Variants in PTPRD observed in about 807,000 individuals in gnomAD.
The protein encoded by PTPRD is protein tyrosine phosphatase receptor type D.
Under a neutral mutation model 214.5 loss-of-function variants are expected in PTPRD, and 34 were observed. The observed-to-expected ratio is 0.16, with a 90% CI of 0.12 to 0.21. The LOEUF is 0.21. Among genes scored for constraint, PTPRD ranks in the 10% least tolerant of loss-of-function variants. The pLI is 1.00. For missense variants in PTPRD, 2,545 were observed against 2,398.7 expected (o/e 1.06, Z -1.27); for synonymous variants, 1,128 against 845.7 (o/e 1.33, Z -5.79).
At chr9:8,476,654 T>G (rs1326027688) in intron 30 of PTPRD, among the ~76,000 whole-genome samples, 1 of 152,204 alleles carries the variant, frequency 6.6e-6, no homozygotes, top group Non-Finnish European at 1.5e-5. Context: ...CTATACATTT[T>G]CTTATACAAC....
At chr9:9,457,553 A>G (rs2093183283) in intron 8 of PTPRD, among the ~76,000 whole-genome samples, 1 of 151,980 alleles carries the variant, frequency 6.6e-6, no homozygotes, top group African/African-American at 2.4e-5. Context: ...GATGTATTAT[A>G]CTTTATTCTG....
chr9:8,896,414 A>G (rs2098611467), intron 11 of PTPRD, among the ~76,000 whole-genome samples: 1 of 152,178 alleles, frequency 6.6e-6, no homozygotes, highest in Non-Finnish European at 1.5e-5. Flanking sequence ...ACTAATATAG[A>G]TGGCAGAAAT....
At chr9:10,593,397 G>C (rs1240030509) in intron 2 of PTPRD, among the ~76,000 whole-genome samples, 2 of 152,034 alleles carry the variant, frequency 1.3e-5, no homozygotes, top group African/African-American at 4.8e-5. Flanking sequence ...TATTGGAATG[G>C]ACATTACTAG....
Position 8,353,964 on chromosome 9 carries a change from G to GT in PTPRD, c.4662-11987dup, listed in dbSNP as rs35377231. Reference sequence around the variant, plus strand: ...TATATATATATATATATATATATATGTTTTTTTTTTTTTGAGAAGGAGTCT... The same window carrying GT: ...TATATATATATATATATATATATATGTTTTTTTTTTTTTTGAGAAGGAGTCT... On this transcript the variant is annotated intron_variant, in intron 39 of 45. Transcript: ENST00000381196. Among the ~76,000 whole-genome samples, 249 of 28,264 alleles carry GT rather than the reference G, an allele frequency of 8.8e-3. 14 individuals carry two copies. Among genetic ancestry groups the GT allele is most frequent in the African/African-American group, 0.018 (195 of 10,654 alleles). The allele number at this position is 28,264 out of a possible 152,430, so 18.5% of individuals were successfully genotyped here.
At chr9:9,808,935 T>G (rs1470803668) in intron 5 of PTPRD, among the ~76,000 whole-genome samples, 1 of 135,594 alleles carries the variant, frequency 7.4e-6, no homozygotes, top group East Asian at 2.3e-4. Context: ...AATGCCTGGC[T>G]AATTTTTATT....
intron 11 of PTPRD, among the ~76,000 whole-genome samples, chr9:9,005,547 G>C (rs980369283): frequency 4.0e-5 from 6 of 151,850 alleles, no homozygotes; most frequent in African/African-American, 9.7e-5. Flanking sequence ...ATTTAAAAAG[G>C]GGCCTGCAAT....
At chr9:9,702,435 A>C (rs2154415000) in intron 7 of PTPRD, among the ~76,000 whole-genome samples, 1 of 152,324 alleles carries the variant, frequency 6.6e-6, no homozygotes, top group East Asian at 1.9e-4. Flanking sequence ...TCTAAAGATG[A>C]CAAATAGACT....
At position 8,373,828 on chromosome 9, in the gene PTPRD, GTATGTA is replaced by G. The variant is rs1417804198; in HGVS notation, c.4661+2102_4661+2107del. Among the ~76,000 whole-genome samples, 283 of 116,206 alleles carry G rather than the reference GTATGTA, an allele frequency of 2.4e-3. 1 individual carries two copies. The highest frequency in any genetic ancestry group is 0.014 in the African/African-American group (264 of 18,484). 76.2% of individuals were successfully genotyped at this position (116,206 alleles called of 152,430 possible). On this transcript the variant is annotated intron_variant, in intron 39 of 45. Coordinates refer to ENST00000381196, the MANE Select transcript of PTPRD (RefSeq NM_002839.4). ...ATTATGTATGTATGTATGTATGTAT[GTATGTA>G]TGTATGTATGTATGTGTATGTGTCT...
At chr9:9,467,585 T>TCC (rs775863669) in intron 8 of PTPRD, among the ~76,000 whole-genome samples, 1 of 9,996 alleles carries the variant, frequency 1.0e-4, no homozygotes, top group Non-Finnish European at 1.9e-4. Flanking sequence ...GGACTCCATC[T>TCC]CCCAAAAAAA....
At chr9:8,756,960 G>A (rs1418912425) in intron 11 of PTPRD, among the ~76,000 whole-genome samples, 1 of 152,006 alleles carries the variant, frequency 6.6e-6, no homozygotes, top group Non-Finnish European at 1.5e-5. Context: ...GGCCAACGTG[G>A]TGAAACCCTG....
At chr9:9,537,069 C>T (rs2076672641) in intron 8 of PTPRD, among the ~76,000 whole-genome samples, 1 of 151,714 alleles carries the variant, frequency 6.6e-6, no homozygotes, top group Admixed American at 6.6e-5. Context: ...ACTGCTTTTC[C>T]AGGAATGCTA....
intron 2 of PTPRD, among the ~76,000 whole-genome samples, chr9:10,404,542 A>T (rs2098329238): frequency 6.8e-6 from 1 of 146,564 alleles, no homozygotes; most frequent in South Asian, 2.2e-4. Flanking sequence ...TTATAAATAC[A>T]GCTCTATTTT....
At chr9:9,804,313 G>T (rs1018590) in intron 5 of PTPRD, among the ~76,000 whole-genome samples, 55,257 of 151,712 alleles carry the variant, frequency 0.36, 10,590 homozygotes, top group African/African-American at 0.48. Flanking sequence ...CATCCCTAAA[G>T]CCCGCTTGGA....
At chr9:10,260,537 G>C (rs1230736241) in intron 3 of PTPRD, among the ~76,000 whole-genome samples, 1 of 152,080 alleles carries the variant, frequency 6.6e-6, no homozygotes, top group African/African-American at 2.4e-5. Flanking sequence ...TAGAAAACTT[G>C]ATTTTATCTT....
chr9:10,176,026 T>A (rs371267246), intron 3 of PTPRD, among the ~76,000 whole-genome samples: 2 of 152,142 alleles, frequency 1.3e-5, no homozygotes, highest in South Asian at 4.1e-4. Context: ...TGAAATGCAA[T>A]GTATTGTGAA....
At chr9:9,612,655 T>A (rs1003250684) in intron 7 of PTPRD, among the ~76,000 whole-genome samples, 4 of 151,928 alleles carry the variant, frequency 2.6e-5, no homozygotes, top group Non-Finnish European at 5.9e-5. Flanking sequence ...TAGTAATTAT[T>A]GTAATTTTTC....
At chr9:10,452,866 C>T (rs74669390) in intron 2 of PTPRD, among the ~76,000 whole-genome samples, 1,821 of 151,600 alleles carry the variant, frequency 0.012, 33 homozygotes, top group African/African-American at 0.039. Flanking sequence ...TTGTTTTCTC[C>T]GTTTTTGGAA....
chr9:10,464,285 G>T (rs2098978562), intron 2 of PTPRD, among the ~76,000 whole-genome samples: 1 of 151,972 alleles, frequency 6.6e-6, no homozygotes, highest in African/African-American at 2.4e-5. Context: ...GCTGGGCATG[G>T]CACTAGAATT....
intron 11 of PTPRD, among the ~76,000 whole-genome samples, chr9:8,887,518 C>T (rs1466813831): frequency 4.6e-5 from 7 of 152,300 alleles, no homozygotes; most frequent in Admixed American, 2.0e-4. Flanking sequence ...ATCTGAACTT[C>T]TTACTTACTG....
Sources: allele counts gnomAD v4.1 joint callset (sites outside exome capture counted in the v4.1 genomes callset), GRCh38; gene constraint gnomAD v4.1.1; transcripts MANE v1.5; gene names NCBI Gene and HGNC (gene_info 2026-07-23, HGNC 2026-07-21).